ADAMTS19: variants seen among roughly 807,000 people sequenced by gnomAD.
The protein encoded by ADAMTS19 is ADAM metallopeptidase with thrombospondin type 1 motif 19.
Under a neutral mutation model 153.3 loss-of-function variants are expected in ADAMTS19, and 93 were observed. The ratio of observed to expected loss-of-function variants is 0.61; its 90% CI spans 0.51 to 0.72. The LOEUF is 0.72. Ranked by LOEUF, ADAMTS19 falls within the 30% of genes least tolerant of loss-of-function variation. The pLI is 0.00. For missense variants in ADAMTS19, 1,482 were observed against 1,552.1 expected, an observed-to-expected ratio of 0.95 and a Z score of 0.76; for synonymous variants, 600 against 556.6, an observed-to-expected ratio of 1.08 and a Z score of -1.10.
intron 7 of ADAMTS19, among the ~76,000 whole-genome samples, chr5:129,578,033 A>C: frequency 8.2e-6 from 1 of 121,618 alleles, no homozygotes; most frequent in African/African-American, 3.6e-5. Context: ...TTGATTTTCA[A>C]ACTTACATAC....
intron 2 of ADAMTS19, among the ~76,000 whole-genome samples, chr5:129,497,465 G>T (rs1750964916): frequency 6.6e-6 from 1 of 152,046 alleles, no homozygotes; most frequent in Non-Finnish European, 1.5e-5. Context: ...TATCCACTAA[G>T]CTTCATTCTC....
In ADAMTS19 at chr5:129,536,711, A is replaced by AC. The variant is rs559785075; in HGVS notation, c.1328+8035dup. On this transcript the variant is annotated intron_variant, in intron 6 of 22. Coordinates refer to ENST00000274487, the MANE Select transcript of ADAMTS19 (RefSeq NM_133638.6). Reference sequence around the variant, plus strand: ...GATTAAGAAAATGTGGCACATATACACATGGAATACTATGCAGCCATAAAA... The same window carrying AC: ...GATTAAGAAAATGTGGCACATATACACCATGGAATACTATGCAGCCATAAAA... Among the ~76,000 whole-genome samples the AC allele has an allele frequency of 2.0e-5, 3 of 152,126 alleles. No individual in the cohort carries two copies. In the East Asian group the frequency reaches 5.8e-4, roughly 29 times the overall value.
intron 6 of ADAMTS19, among the ~76,000 whole-genome samples, chr5:129,537,993 G>A (rs1752514665): frequency 6.6e-6 from 1 of 151,952 alleles, no homozygotes; most frequent in African/African-American, 2.4e-5. Flanking sequence ...TAGAAGGGAT[G>A]GAAAGATTTG....
intron 21 of ADAMTS19, among the ~76,000 whole-genome samples, chr5:129,733,354 G>A (rs2116735): frequency 0.94 from 143,452 of 152,188 alleles, 67,717 homozygotes; most frequent in East Asian, 1. Context: ...GAAATAATCA[G>A]CAGAGTATAC....
At chr5:129,578,745 T>C (rs1018926782) in intron 7 of ADAMTS19, among the ~76,000 whole-genome samples, 3 of 152,132 alleles carry the variant, frequency 2.0e-5, no homozygotes, top group Non-Finnish European at 4.4e-5. Flanking sequence ...TCCAGCTTCA[T>C]CCATGTCCCC....
At chr5:129,538,301 T>C (rs1382233739) in intron 6 of ADAMTS19, among the ~76,000 whole-genome samples, 1 of 152,160 alleles carries the variant, frequency 6.6e-6, no homozygotes, top group Non-Finnish European at 1.5e-5. Flanking sequence ...GTATTTCTTA[T>C]GTATGCATAT....
rs1194115116 is a variant in ADAMTS19, at chr5:129,684,250, A to T, written c.2795A>T (p.Asp932Val). The T allele has an allele frequency of 6.2e-7, 1 of 1,614,098 alleles. No homozygotes were observed. The change falls in exon 18 of 23, where the codon GAT becomes GTT. Residue 932 changes from aspartate (D) to valine (V), a missense_variant. By Grantham distance (152) the Asp-to-Val change is radical. Transcript: ENST00000274487. The part of the protein sequence containing the change: ...LFMWTHTSWE[D>V]CDATCGGGER... ...ATGTGGACACACACAAGCTGGGAAG[A>T]TTGCGATGCCACTTGTGGAGGAGGT...
chr5:129,613,543 A>G (rs6894604), intron 8 of ADAMTS19, among the ~76,000 whole-genome samples: 2 of 151,930 alleles, frequency 1.3e-5, no homozygotes, highest in Non-Finnish European at 2.9e-5. Context: ...GCAGTGTGTA[A>G]AGGGAAATTT....
chr5:129,536,721 C>G (rs529501270), intron 6 of ADAMTS19, among the ~76,000 whole-genome samples: 1 of 152,248 alleles, frequency 6.6e-6, no homozygotes, highest in Admixed American at 6.5e-5. Context: ...ACATGGAATA[C>G]TATGCAGCCA....
At chr5:129,604,984 T>C (rs531493506) in intron 8 of ADAMTS19, among the ~76,000 whole-genome samples, 3 of 152,300 alleles carry the variant, frequency 2.0e-5, no homozygotes, top group South Asian at 2.1e-4. Context: ...CTGTTTCTCA[T>C]AGTCCACATT....
At chr5:129,736,983 C>A (rs570352431) in intron 22 of ADAMTS19, 84 bp from the exon 23 acceptor site, 3 of 1,321,006 alleles carry the variant, frequency 2.3e-6, no homozygotes, top group African/African-American at 3.0e-5. Context: ...GTACAAAATC[C>A]GCCCCACTTA....
chr5:129,550,041 T>C (rs1470000267), intron 6 of ADAMTS19, among the ~76,000 whole-genome samples: 3 of 107,384 alleles, frequency 2.8e-5, no homozygotes, highest in Non-Finnish European at 5.9e-5. Context: ...GATATACATA[T>C]ACATGTATCT....
intron 7 of ADAMTS19, among the ~76,000 whole-genome samples, chr5:129,591,811 A>G (rs1340964698): frequency 6.6e-6 from 1 of 152,168 alleles, no homozygotes; most frequent in Admixed American, 6.5e-5. Flanking sequence ...GCTTAAAAAC[A>G]GCACTTCTGG....
At chr5:129,553,124 G>T (rs1348163269) in intron 7 of ADAMTS19, among the ~76,000 whole-genome samples, 2 of 152,148 alleles carry the variant, frequency 1.3e-5, no homozygotes, top group African/African-American at 4.8e-5. Context: ...TACCAGTAAA[G>T]CTTGTCTCAA....
chr5:129,484,250 A>G (rs1750516349), intron 2 of ADAMTS19, among the ~76,000 whole-genome samples: 1 of 152,186 alleles, frequency 6.6e-6, no homozygotes, highest in African/African-American at 2.4e-5. Flanking sequence ...AATATAGGTA[A>G]CACCCAGATT....
rs550103940 is a variant in ADAMTS19 at position 129,738,238 on chromosome 5, C to A, written c.*1020C>A. The A allele has an allele frequency of 2.0e-5, 3 of 151,806 alleles. No individual in the cohort carries two copies. Among genetic ancestry groups the A allele is most frequent in the Admixed American group, 1.3e-4 (2 of 15,196 alleles). The allele number at this position is 151,806 out of a possible 1,614,324, so 9.4% of individuals were successfully genotyped here. A position where few individuals can be genotyped will look rare whatever the true frequency, so the allele number is the denominator to read the frequency against. Reference sequence around the variant, plus strand: ...TAAAAAGTTTTACAATTATGTGAAACGTTCAAAAGCCAGCTTAAAATTTTT... The same window carrying A: ...TAAAAAGTTTTACAATTATGTGAAAAGTTCAAAAGCCAGCTTAAAATTTTT... On this transcript the variant is annotated 3_prime_UTR_variant, in exon 23 of 23. Transcript: ENST00000274487.
chr5:129,522,691 G>A (rs889163137), intron 3 of ADAMTS19, among the ~76,000 whole-genome samples: 1 of 151,884 alleles, frequency 6.6e-6, no homozygotes, highest in Admixed American at 6.6e-5. Context: ...GTGGGATCCG[G>A]TTCTTATTAG....
At chr5:129,505,372 G>A (rs993393932) in intron 2 of ADAMTS19, among the ~76,000 whole-genome samples, 1 of 152,106 alleles carries the variant, frequency 6.6e-6, no homozygotes, top group African/African-American at 2.4e-5. Context: ...ATTGCTTTCT[G>A]TTCCTTCTAA....
chr5:129,682,288 A>C (rs1343763590), intron 17 of ADAMTS19, among the ~76,000 whole-genome samples: 2 of 152,206 alleles, frequency 1.3e-5, no homozygotes, highest in African/African-American at 4.8e-5. Flanking sequence ...TTACAGATTG[A>C]AGGACTGTAC....
Sources: gnomAD v4.1 joint callset for allele counts (sites outside exome capture counted in the v4.1 genomes callset) on GRCh38, gnomAD v4.1.1 for gene constraint, MANE v1.5 for transcripts, NCBI Gene and HGNC (gene_info 2026-07-23, HGNC 2026-07-21) for gene names.